CAMTA1: variants seen among roughly 807,000 people sequenced by gnomAD.
The protein encoded by CAMTA1 is calmodulin-binding transcription activator 1.
In CAMTA1, 27 loss-of-function variants were observed where a neutral mutation model predicts 170.9. That is an observed-to-expected ratio of 0.16 (90% confidence interval 0.12 to 0.22). CAMTA1 has a LOEUF of 0.22. Among genes scored for constraint, CAMTA1 ranks in the 10% least tolerant of loss-of-function variants. The probability of loss-of-function intolerance (pLI) is 1.00; values close to 1 mark genes in which losing one functional copy is unlikely to be tolerated. For synonymous variants in CAMTA1, 833 were observed against 891.5 expected, an observed-to-expected ratio of 0.93 and a Z score of 1.17; for missense variants, 1,619 against 2,217.2, an observed-to-expected ratio of 0.73 and a Z score of 5.42.
At chr1:7,013,412 C>T (rs1700104492) in intron 3 of CAMTA1, among the ~76,000 whole-genome samples, 1 of 151,952 alleles carries the variant, frequency 6.6e-6, no homozygotes, top group Non-Finnish European at 1.5e-5. Flanking sequence ...GGGGTTTCGC[C>T]ATGTTGACCA....
chr1:6,966,898 C>A (rs1032459967), intron 3 of CAMTA1, among the ~76,000 whole-genome samples: 4 of 151,510 alleles, frequency 2.6e-5, no homozygotes, highest in Admixed American at 2.6e-4. Context: ...AGGCATGAGC[C>A]ACCGTGCCCG....
At chr1:7,149,300 GA>G (rs1481596983) in intron 4 of CAMTA1, among the ~76,000 whole-genome samples, 13 of 152,232 alleles carry the variant, frequency 8.5e-5, no homozygotes, top group Non-Finnish European at 4.4e-5. Flanking sequence ...CTGAGCAGGA[GA>G]AAGACTTTCT....
intron 3 of CAMTA1, among the ~76,000 whole-genome samples, chr1:6,927,165 C>A (rs576946023): frequency 6.6e-6 from 1 of 152,010 alleles, no homozygotes; most frequent in East Asian, 1.9e-4. Context: ...GCTAGGACCA[C>A]AGGCATGCAC....
chr1:6,991,435 G>GTGGGA (rs2100436702), intron 3 of CAMTA1, among the ~76,000 whole-genome samples: 1 of 152,282 alleles, frequency 6.6e-6, no homozygotes, highest in South Asian at 2.1e-4. Flanking sequence ...TGGGTGAACA[G>GTGGGA]TGGGATCTCA....
At chr1:7,433,616 G>A (rs192926528) in intron 5 of CAMTA1, among the ~76,000 whole-genome samples, 390 of 152,372 alleles carry the variant, frequency 2.6e-3, no homozygotes, top group African/African-American at 8.6e-3. Context: ...AACCCCCAGA[G>A]AACACTGCTG....
chr1:7,565,925 G>GGA lies in CAMTA1; in HGVS notation c.511-74452_511-74451dup, dbSNP rs112929831. ...TTCTCGCTGTGTCCTCACATAGTAG[G>GGA]GAGAGAGAGAGAGAGAGAGAGAGAA... On this transcript the variant is annotated intron_variant, in intron 6 of 22. Transcript: ENST00000303635. This position sits in a 1 kb window ranked among gnomAD's most constrained non-coding sequence, Gnocchi z 4.5. 0.031 allele frequency among the ~76,000 whole-genome samples: 4,566 copies of GGA among 148,854 alleles called. 179 individuals carry two copies. Among genetic ancestry groups the GGA allele is most frequent in the African/African-American group, 0.089 (3,610 of 40,602 alleles).
chr1:7,239,712 T>C, intron 4 of CAMTA1, among the ~76,000 whole-genome samples: 1 of 148,816 alleles, frequency 6.7e-6, no homozygotes, highest in Non-Finnish European at 1.5e-5. Flanking sequence ...TGTGTTGCTA[T>C]AATGGAATAC....
chr1:7,743,784 A>G (rs2096835505), intron 16 of CAMTA1, among the ~76,000 whole-genome samples: 1 of 151,844 alleles, frequency 6.6e-6, no homozygotes, highest in African/African-American at 2.4e-5. Context: ...CTCATAAAGA[A>G]TATCTTAATC....
At chr1:7,498,751 C>CAG (rs36206356) in intron 6 of CAMTA1, among the ~76,000 whole-genome samples, 91,256 of 151,278 alleles carry the variant, frequency 0.6, 28,090 homozygotes, top group African/African-American at 0.74. Context: ...GATGAGTGTG[C>CAG]AGAGGATTGT....
In CAMTA1 at chr1:6,965,164, G is replaced by A. The variant is rs867385071; in HGVS notation, c.235-126140G>A. On this transcript the variant is annotated intron_variant, in intron 3 of 22. Transcript: ENST00000303635. This position sits in a 1 kb window ranked among gnomAD's most constrained non-coding sequence, Gnocchi z 4.1. Reference sequence around the variant, plus strand: ...TGTATTAATATGTGAAAGCCACTTCGGGAAAAGTAGTGAGTGTGGTATGAG... The same window carrying A: ...TGTATTAATATGTGAAAGCCACTTCAGGAAAAGTAGTGAGTGTGGTATGAG... Among the ~76,000 whole-genome samples, 2 of 152,266 alleles carry A rather than the reference G, an allele frequency of 1.3e-5. No individual in the cohort carries two copies. Among genetic ancestry groups the A allele is most frequent in the South Asian group, 2.1e-4 (1 of 4,808 alleles).
intron 5 of CAMTA1, among the ~76,000 whole-genome samples, chr1:7,400,917 CATT>C (rs1359030648): frequency 6.6e-6 from 1 of 152,154 alleles, no homozygotes; most frequent in East Asian, 1.9e-4. Context: ...AGTCATTTAT[CATT>C]ATGTGATTTG....
At chr1:7,704,948 C>G (rs1179786895) in intron 11 of CAMTA1, among the ~76,000 whole-genome samples, 2 of 92,156 alleles carry the variant, frequency 2.2e-5, no homozygotes, top group African/African-American at 8.1e-5. Context: ...TCGAGGGCGG[C>G]GGCCGGCGGG....
chr1:7,140,491 T>C (rs1645827121), intron 4 of CAMTA1, among the ~76,000 whole-genome samples: 1 of 152,180 alleles, frequency 6.6e-6, no homozygotes, highest in Non-Finnish European at 1.5e-5. Flanking sequence ...ACTGCTTTTC[T>C]GCTTTAGCAG....
intron 3 of CAMTA1, among the ~76,000 whole-genome samples, chr1:7,069,586 G>A: frequency 6.6e-6 from 1 of 152,266 alleles, no homozygotes; most frequent in Non-Finnish European, 1.5e-5. Context: ...AGGGACCACA[G>A]GGTCTGTCTG....
intron 4 of CAMTA1, among the ~76,000 whole-genome samples, chr1:7,096,885 G>A (rs1642145849): frequency 6.6e-6 from 1 of 152,180 alleles, no homozygotes; most frequent in African/African-American, 2.4e-5. Context: ...TGACTCTCCA[G>A]TGATGTCGTT....
At chr1:7,314,151 T>C (rs1391003886) in intron 5 of CAMTA1, among the ~76,000 whole-genome samples, 1 of 152,196 alleles carries the variant, frequency 6.6e-6, no homozygotes, top group East Asian at 1.9e-4. Flanking sequence ...TATATACCAG[T>C]TATTTTGGTC....
intron 11 of CAMTA1, among the ~76,000 whole-genome samples, chr1:7,678,975 G>A (rs2096155048): frequency 6.6e-6 from 1 of 152,364 alleles, no homozygotes; most frequent in Middle Eastern, 3.4e-3. Context: ...AGCCGAGAGA[G>A]AGGGTGCCGA....
At chr1:6,898,256 G>A (rs1014992498) in intron 3 of CAMTA1, among the ~76,000 whole-genome samples, 6 of 152,144 alleles carry the variant, frequency 3.9e-5, no homozygotes, top group Admixed American at 3.9e-4. Context: ...AGTGATAGAA[G>A]GAGAGAGAAA....
intron 6 of CAMTA1, among the ~76,000 whole-genome samples, chr1:7,593,107 T>C (rs1311275398): frequency 6.6e-6 from 1 of 152,170 alleles, no homozygotes; most frequent in Non-Finnish European, 1.5e-5. Flanking sequence ...GGGGCAGTGA[T>C]TTCTCATCCA....
Sources: gnomAD v4.1 joint callset for allele counts (sites outside exome capture counted in the v4.1 genomes callset) on GRCh38, gnomAD v4.1.1 for gene constraint, Gnocchi (gnomAD v3.1) non-coding constraint, MANE v1.5 for transcripts, NCBI Gene and HGNC (gene_info 2026-07-23, HGNC 2026-07-21) for gene names.